The following SLC4A8 variants were observed in gnomAD, a reference collection of about 807,000 sequenced individuals.
SLC4A8 encodes solute carrier family 4 member 8.
A neutral mutation model predicts 125.0 loss-of-function variants in SLC4A8; 40 were observed. The observed-to-expected ratio is 0.32, with a 90% CI of 0.25 to 0.42. The LOEUF (loss-of-function observed/expected upper bound fraction) is 0.42. Ranked by LOEUF, SLC4A8 falls within the 10% of genes least tolerant of loss-of-function variation. SLC4A8 has a pLI of 1.00. For synonymous variants in SLC4A8, 456 were observed against 476.0 expected (o/e 0.96, Z 0.55); for missense variants, 863 against 1,355.1 (o/e 0.64, Z 5.70).
chr12:51,428,377 T>C lies in SLC4A8; in HGVS notation c.48+3342T>C, dbSNP rs557904782. ...ACAGTGCCTGGTATAAAATTGGTGC[T>C]CAATTGCATAAGTGAATGAGCAGCT... On this transcript the variant is annotated intron_variant, in intron 1 of 24. Transcript: ENST00000453097. Among the ~76,000 whole-genome samples, 20 of 152,254 alleles carry C rather than the reference T, an allele frequency of 1.3e-4. No homozygotes were observed. In the East Asian group the frequency reaches 3.3e-3, roughly 25 times the overall value.
chr12:51,407,564 C>A (rs1018887792), intron 1 of SLC4A8, among the ~76,000 whole-genome samples: 1 of 152,096 alleles, frequency 6.6e-6, no homozygotes, highest in African/African-American at 2.4e-5. Context: ...CCACCGTGCC[C>A]GGCTTCAACA....
At chr12:51,438,726 T>C (rs1397953023) in intron 1 of SLC4A8, among the ~76,000 whole-genome samples, 2 of 152,204 alleles carry the variant, frequency 1.3e-5, no homozygotes, top group Non-Finnish European at 2.9e-5. Flanking sequence ...GTGGCTGTAC[T>C]AGTTTATATT....
chr12:51,408,570 G>C (rs1948538374), intron 1 of SLC4A8, among the ~76,000 whole-genome samples: 1 of 152,210 alleles, frequency 6.6e-6, no homozygotes, highest in African/African-American at 2.4e-5. Flanking sequence ...TGGTGGTGGA[G>C]CTTTGAGATG....
At chr12:51,476,495 T>TA (rs1047983173) in intron 16 of SLC4A8, among the ~76,000 whole-genome samples, 222 of 143,566 alleles carry the variant, frequency 1.5e-3, no homozygotes, top group African/African-American at 5.1e-3. Flanking sequence ...ATAAAAAAGT[T>TA]AAAAAAAAAA....
intron 16 of SLC4A8, among the ~76,000 whole-genome samples, chr12:51,481,061 C>T (rs1262136356): frequency 1.3e-5 from 2 of 152,162 alleles, no homozygotes; most frequent in East Asian, 3.8e-4. Context: ...GCTCAGAAGT[C>T]CCTTCCTGCC....
At position 51,506,528 on chromosome 12, in the gene SLC4A8, G is replaced by A. The variant is rs143000405; in HGVS notation, c.3269+598G>A. Among the ~76,000 whole-genome samples, 330 of 151,824 alleles carry A rather than the reference G, an allele frequency of 2.2e-3. 3 individuals are homozygous for A. Among genetic ancestry groups the A allele is most frequent in the African/African-American group, 7.1e-3 (294 of 41,344 alleles). On this transcript the variant is annotated intron_variant, in intron 24 of 24. Transcript: ENST00000453097. Reference sequence around the variant, plus strand: ...CAGCTCACTGTAATCTCTGCCATCCGGGCTCAAGCAATCCTTCTGCCTCAG... The same window carrying A: ...CAGCTCACTGTAATCTCTGCCATCCAGGCTCAAGCAATCCTTCTGCCTCAG...
rs1407228940 is a variant in SLC4A8 at position 51,462,455 on chromosome 12, A to G, written c.1247A>G (p.Gln416Arg). The change falls in exon 10 of 25, where the codon CAG (glutamine) becomes CGG (arginine). Residue 416 changes from glutamine (Q) to arginine (R), a missense_variant and splice_region_variant. By Grantham distance (43) the Gln-to-Arg change is conservative (BLOSUM62 1). Transcript: ENST00000453097. ...RIEPPKNVPS[Q>R]EKRKMPGVPN... The stretch of plus-strand genomic sequence containing the variant: ...GAGCCACCCAAAAATGTCCCTTCCC[A>G]GGTAATGTATGCACATCAGCCAATG... 1 of 1,566,674 alleles carries G rather than the reference A, an allele frequency of 6.4e-7. No individual in the cohort carries two copies. The highest frequency in any genetic ancestry group is 2.3e-5 in the East Asian group (1 of 44,282).
rs573348458 is a variant in SLC4A8, at chr12:51,467,616, C to G, written c.1350-1998C>G. Among the ~76,000 whole-genome samples, 6 of 152,284 alleles carry G rather than the reference C, an allele frequency of 3.9e-5. No homozygotes were observed. In the South Asian group the frequency reaches 1.2e-3, roughly 32 times the overall value. On this transcript the variant is annotated intron_variant, in intron 11 of 24. Coordinates refer to ENST00000453097, the MANE Select transcript of SLC4A8 (RefSeq NM_001039960.3). ...AAGAAAGAGCTTGCCAAGCCTCCTT[C>G]CGTGAGAGAGTAGCTTGTGTGTTTT...
At chr12:51,433,881 TTGG>T (rs373603414) in intron 1 of SLC4A8, among the ~76,000 whole-genome samples, 83,099 of 136,368 alleles carry the variant, frequency 0.61, 28,111 homozygotes, top group African/African-American at 0.64. Flanking sequence ...TTTTTTTTGG[TTGG>T]TTTTTTTTTG....
chr12:51,449,766 T>A (rs547244227), intron 2 of SLC4A8, among the ~76,000 whole-genome samples: 5 of 152,242 alleles, frequency 3.3e-5, no homozygotes, highest in African/African-American at 1.2e-4. Context: ...TGAGGCCAGA[T>A]GTGGTGACTC....
At chr12:51,456,312 A>G (rs907107869) in intron 5 of SLC4A8, among the ~76,000 whole-genome samples, 1 of 152,144 alleles carries the variant, frequency 6.6e-6, no homozygotes, top group African/African-American at 2.4e-5. Context: ...ATACAGAAAT[A>G]TGGCTCTTCA....
rs1473058942 is a variant in SLC4A8 at position 51,450,942 on chromosome 12, C to A, written c.197C>A (p.Thr66Asn). Reference sequence around the variant, plus strand: ...CGGCAGAGCCATCGGCATCACCGCACTCATGGCCAGAAGCACCGGAGACGA... The same window carrying A: ...CGGCAGAGCCATCGGCATCACCGCAATCATGGCCAGAAGCACCGGAGACGA... ...LGRQSHRHHR[T>N]HGQKHRRRGR... Residue 66 changes from threonine to asparagine, a missense_variant, in exon 3 of 25, where the codon ACT becomes AAT. Physicochemically the swap from Thr to Asn is moderately conservative, Grantham distance 65. This residue lies in a region of SLC4A8 where 104 missense variants were observed against 116.4 expected (regional missense o/e 0.89). Coordinates refer to ENST00000453097, the MANE Select transcript of SLC4A8 (RefSeq NM_001039960.3). The A allele has an allele frequency of 6.2e-7, 1 of 1,607,422 alleles. No homozygotes were observed. Among genetic ancestry groups the A allele is most frequent in the African/African-American group, 1.3e-5 (1 of 74,820 alleles).
At chr12:51,432,736 A>T (rs1272066174) in intron 1 of SLC4A8, among the ~76,000 whole-genome samples, 1 of 152,168 alleles carries the variant, frequency 6.6e-6, no homozygotes, top group Admixed American at 6.5e-5. Flanking sequence ...CAAACAAACA[A>T]ACAAAAAACT....
intron 1 of SLC4A8, among the ~76,000 whole-genome samples, chr12:51,394,334 G>C (rs1948218763): frequency 1.3e-5 from 2 of 152,246 alleles, no homozygotes. Context: ...ATAATTAGCT[G>C]CCTAATTTGG....
intron 14 of SLC4A8, among the ~76,000 whole-genome samples, chr12:51,471,871 CT>C (rs1950710262): frequency 6.6e-6 from 1 of 152,162 alleles, no homozygotes; most frequent in African/African-American, 2.4e-5. Context: ...TTTGCAAGGA[CT>C]TTGTGAGCCT....
chr12:51,432,824 G>T (rs890862679), intron 1 of SLC4A8, among the ~76,000 whole-genome samples: 1 of 152,092 alleles, frequency 6.6e-6, no homozygotes, highest in Non-Finnish European at 1.5e-5. Context: ...ACTTTTTTGG[G>T]GGGGGTCTTG....
chr12:51,464,893 A>ATT (rs1950465474), intron 11 of SLC4A8, among the ~76,000 whole-genome samples: 1 of 152,334 alleles, frequency 6.6e-6, no homozygotes, highest in African/African-American at 2.4e-5. Flanking sequence ...CTTGACTAGC[A>ATT]GTGTCCTGCA....
intron 5 of SLC4A8, among the ~76,000 whole-genome samples, chr12:51,456,794 T>G (rs1950164622): frequency 6.6e-6 from 1 of 152,214 alleles, no homozygotes; most frequent in African/African-American, 2.4e-5. Context: ...CTTGATAGGT[T>G]TAAATGTGAT....
chr12:51,395,619 G>C (rs866091420), intron 1 of SLC4A8, among the ~76,000 whole-genome samples: 1 of 152,172 alleles, frequency 6.6e-6, no homozygotes, highest in South Asian at 2.1e-4. Flanking sequence ...TGCCCTTCAG[G>C]GGGAGGTGCT....
Sources: allele counts gnomAD v4.1 joint callset (sites outside exome capture counted in the v4.1 genomes callset), GRCh38; gene constraint gnomAD v4.1.1; regional missense constraint gnomAD v4.1.1; transcripts MANE v1.5; gene names NCBI Gene and HGNC (gene_info 2026-07-23, HGNC 2026-07-21).